DRAM1: variants seen among roughly 807,000 people sequenced by gnomAD.
DRAM1 encodes DNA damage-regulated autophagy modulator protein 1.
Under a neutral mutation model 28.5 loss-of-function variants are expected in DRAM1, and 25 were observed. The ratio of observed to expected loss-of-function variants is 0.88; its 90% confidence interval spans 0.64 to 1.23. The LOEUF (loss-of-function observed/expected upper bound fraction) is 1.23, where lower values mean the gene tolerates loss of function less well. Among genes scored for constraint, DRAM1 ranks in the 50% most tolerant of loss-of-function variants. The pLI is 0.00. For synonymous variants in DRAM1, 113 were observed against 114.2 expected, an observed-to-expected ratio of 0.99 and a Z score of 0.07; for missense variants, 249 against 299.2, an observed-to-expected ratio of 0.83 and a Z score of 1.24.
At chr12:101,920,282 TA>T (rs993105063) in intron 6 of DRAM1, 81 bp downstream of exon 6, 8 of 902,934 alleles carry the variant, frequency 8.9e-6, no homozygotes, top group Non-Finnish European at 1.2e-5. Context: ...TTTGCATTTT[TA>T]AAAAGAGCAC....
intron 3 of DRAM1, among the ~76,000 whole-genome samples, chr12:101,905,816 C>T (rs1038569673): frequency 9.3e-5 from 14 of 150,490 alleles, no homozygotes; most frequent in African/African-American, 3.0e-4. Flanking sequence ...GATGGAGTCT[C>T]GCTCTGTCTC....
At chr12:101,892,554 C>A (rs1345949636) in intron 1 of DRAM1, among the ~76,000 whole-genome samples, 2 of 151,976 alleles carry the variant, frequency 1.3e-5, no homozygotes, top group African/African-American at 4.8e-5. Flanking sequence ...AATGTGCGCC[C>A]AGCCTTCTTT....
intron 1 of DRAM1, among the ~76,000 whole-genome samples, chr12:101,892,818 G>A (rs576472949): frequency 6.6e-6 from 1 of 151,964 alleles, no homozygotes; most frequent in Non-Finnish European, 1.5e-5. Flanking sequence ...TGATAGATTT[G>A]GGAATTTGTG....
intron 1 of DRAM1, among the ~76,000 whole-genome samples, chr12:101,894,012 C>T (rs976652002): frequency 6.6e-6 from 1 of 152,098 alleles, no homozygotes; most frequent in Admixed American, 6.5e-5. Context: ...CTCACTGCAA[C>T]CTCTGCCTAC....
chr12:101,922,250 T>C lies in DRAM1; in HGVS notation c.*990T>C, dbSNP rs534474797. ...ATGTCCCACAACACTATAAGAAATATAAGTCAAGCCCTTTGTGTTAAGCAA... is the reference window on the plus strand; with the variant it reads ...ATGTCCCACAACACTATAAGAAATACAAGTCAAGCCCTTTGTGTTAAGCAA... On this transcript the variant is annotated 3_prime_UTR_variant, in exon 7 of 7. Transcript: ENST00000258534. The C allele has an allele frequency of 1.3e-5, 2 of 152,350 alleles. No homozygotes were observed. The highest frequency in any genetic ancestry group is 1.9e-4 in the East Asian group (1 of 5,188). 9.4% of individuals were successfully genotyped at this position (152,350 alleles called of 1,614,324 possible).
rs1302208003 is a variant in DRAM1, at chr12:101,877,832, T to A, written c.43T>A (p.Leu15Met). Residue 15 changes from leucine to methionine, a missense_variant, in exon 1 of 7, where the codon TTG (leucine) becomes ATG (methionine). Physicochemically the swap from Leu to Met is conservative, Grantham distance 15. Coordinates refer to ENST00000258534, the MANE Select transcript of DRAM1 (RefSeq NM_018370.3). The surrounding 1 kb of genome is among the most constrained non-coding windows in gnomAD (Gnocchi z 4.1). ...LRGMAFVPFL[L>M]VTWSSAAFII... ...GGGAATGGCTTTCGTCCCCTTCCTC[T>A]TGGTGACCTGGTCGTCAGCCGCCTT... The A allele has an allele frequency of 1.3e-6, 2 of 1,547,238 alleles. No homozygotes were observed. Among genetic ancestry groups the A allele is most frequent in the African/African-American group, 2.7e-5 (2 of 72,974 alleles).
At chr12:101,893,419 G>A (rs1238216069) in intron 1 of DRAM1, among the ~76,000 whole-genome samples, 1 of 152,132 alleles carries the variant, frequency 6.6e-6, no homozygotes, top group African/African-American at 2.4e-5. Context: ...CACAAACCAG[G>A]CACCCTCCAG....
At chr12:101,914,112 T>A in intron 4 of DRAM1, 62 bp from the exon 5 acceptor site, 1 of 1,062,344 alleles carries the variant, frequency 9.4e-7, no homozygotes, top group Non-Finnish European at 1.4e-6. Flanking sequence ...GAGAATAATG[T>A]AGTCTTAACA....
Position 101,907,252 on chromosome 12 carries a change from GC to G in DRAM1, c.343-933del, listed in dbSNP as rs1385654729. 1.6e-4 allele frequency among the ~76,000 whole-genome samples: 24 copies of G among 148,586 alleles called. 1 individual carries two copies. The highest frequency in any genetic ancestry group is 6.0e-4 in the African/African-American group (24 of 40,148). ...AAGAAGCTGCATTTGCATAACAAAA[GC>G]AGTGGTTTTACTTAGATGGTGTGTT... On this transcript the variant is annotated intron_variant, in intron 3 of 6. Transcript: ENST00000258534.
chr12:101,892,212 A>C (rs1288686949), intron 1 of DRAM1, among the ~76,000 whole-genome samples: 1 of 151,884 alleles, frequency 6.6e-6, no homozygotes, highest in African/African-American at 2.4e-5. Flanking sequence ...ATTGAGAGGT[A>C]AGAGCTATTT....
intron 5 of DRAM1, among the ~76,000 whole-genome samples, chr12:101,917,916 C>T (rs1167477258): frequency 6.6e-6 from 1 of 152,162 alleles, no homozygotes; most frequent in African/African-American, 2.4e-5. Context: ...TTTTCAGCCA[C>T]TCGGGGGAGA....
At chr12:101,895,862 G>T (rs114289019) in intron 1 of DRAM1, among the ~76,000 whole-genome samples, 2,081 of 151,854 alleles carry the variant, frequency 0.014, 49 homozygotes, top group African/African-American at 0.048. Context: ...GAACCACCGC[G>T]CCTGGTCGTA....
intron 5 of DRAM1, among the ~76,000 whole-genome samples, chr12:101,916,637 AAG>A (rs1307297576): frequency 6.6e-6 from 1 of 152,170 alleles, no homozygotes; most frequent in Non-Finnish European, 1.5e-5. Flanking sequence ...CCCAGGAAAG[AAG>A]AGAGTTAGTG....
intron 1 of DRAM1, among the ~76,000 whole-genome samples, chr12:101,885,468 G>A (rs1872851114): frequency 2.0e-5 from 3 of 151,288 alleles, no homozygotes; most frequent in African/African-American, 2.4e-5. Context: ...TTTGAAGGGG[G>A]ATAGGAAGAG....
In DRAM1 at chr12:101,892,596, T is replaced by C. The variant is rs1873181706; in HGVS notation, c.132-5267T>C. On this transcript the variant is annotated intron_variant, in intron 1 of 6. Transcript: ENST00000258534. ...TAAAATGGTAATGGGCAAACACTATTGTTCTTAAAAGTTTTGAAACGTTCA... is the reference window on the plus strand; with the variant it reads ...TAAAATGGTAATGGGCAAACACTATCGTTCTTAAAAGTTTTGAAACGTTCA... 2.6e-5 allele frequency among the ~76,000 whole-genome samples: 4 copies of C among 152,112 alleles called. No individual in the cohort carries two copies. In the South Asian group the frequency reaches 6.2e-4, roughly 24 times the overall value.
chr12:101,922,747 A>G lies in DRAM1; in HGVS notation c.*1487A>G, dbSNP rs1874530722. 1.3e-5 allele frequency: 2 copies of G among 152,352 alleles called. No individual in the cohort carries two copies. Among genetic ancestry groups the G allele is most frequent in the Non-Finnish European group, 2.9e-5 (2 of 68,032 alleles). 9.4% of individuals were successfully genotyped at this position (152,352 alleles called of 1,614,324 possible). A position where few individuals can be genotyped will look rare whatever the true frequency, so the allele number is the denominator to read the frequency against. On this transcript the variant is annotated 3_prime_UTR_variant, in exon 7 of 7. Coordinates refer to ENST00000258534, the MANE Select transcript of DRAM1 (RefSeq NM_018370.3). ...ATGCTTTCTTTAAGACGCATCATAA[A>G]TGGTTTTCTTTAAGTGAATGGAAGA...
At chr12:101,882,077 C>G (rs1333727177) in intron 1 of DRAM1, among the ~76,000 whole-genome samples, 1 of 145,910 alleles carries the variant, frequency 6.9e-6, no homozygotes, top group African/African-American at 2.5e-5. Flanking sequence ...CTTTTACATT[C>G]TAACATTGTT....
At chr12:101,882,728 A>G (rs901209960) in intron 1 of DRAM1, among the ~76,000 whole-genome samples, 3 of 150,818 alleles carry the variant, frequency 2.0e-5, no homozygotes, top group African/African-American at 7.3e-5. Flanking sequence ...TCTCTCATAC[A>G]TTGCTTACAG....
intron 4 of DRAM1, among the ~76,000 whole-genome samples, chr12:101,913,088 T>C (rs553449438): frequency 1.2e-4 from 19 of 152,302 alleles, no homozygotes; most frequent in African/African-American, 4.6e-4. Flanking sequence ...CTCTCTAGCT[T>C]TCTTTTTTGC....
Sources: gnomAD v4.1 joint callset for allele counts (sites outside exome capture counted in the v4.1 genomes callset) on GRCh38, gnomAD v4.1.1 for gene constraint, Gnocchi (gnomAD v3.1) non-coding constraint, MANE v1.5 for transcripts, NCBI Gene and HGNC (gene_info 2026-07-23, HGNC 2026-07-21) for gene names.